The following CCDC13 variants were observed in gnomAD, a reference collection of about 807,000 sequenced individuals.
CCDC13 encodes the protein coiled-coil domain-containing protein 13.
In CCDC13, 70 loss-of-function variants were observed where a neutral mutation model predicts 87.3. That is an observed-to-expected ratio of 0.80 (90% confidence interval 0.66 to 0.98). The LOEUF (loss-of-function observed/expected upper bound fraction) is 0.98, where lower values mean the gene tolerates loss of function less well. Ranked by LOEUF, CCDC13 falls within the 50% of genes least tolerant of loss-of-function variation. The pLI is 0.00. For missense variants in CCDC13, 842 were observed against 892.0 expected (o/e 0.94, Z 0.71); for synonymous variants, 317 against 360.3 (o/e 0.88, Z 1.36).
intron 1 of CCDC13, among the ~76,000 whole-genome samples, chr3:42,762,512 C>A (rs1437197146): frequency 6.6e-6 from 1 of 152,166 alleles, no homozygotes; most frequent in African/African-American, 2.4e-5. Flanking sequence ...GTCAACTGTA[C>A]CTACGTAACC....
chr3:42,719,759 C>T (rs773344579), intron 13 of CCDC13, among the ~76,000 whole-genome samples: 12 of 152,154 alleles, frequency 7.9e-5, no homozygotes, highest in Admixed American at 5.2e-4. Context: ...CAATGGCAGC[C>T]TGGGTTCAGG....
intron 1 of CCDC13, among the ~76,000 whole-genome samples, chr3:42,761,032 T>C (rs1699821567): frequency 6.6e-6 from 1 of 152,208 alleles, no homozygotes. Flanking sequence ...TCTTGATACT[T>C]TGTCTGTTTG....
Position 42,730,717 on chromosome 3 carries a change from C to T in CCDC13, c.1596-128G>A, listed in dbSNP as rs1698807344. 4 of 1,269,084 alleles carry T rather than the reference C, an allele frequency of 3.2e-6. No homozygotes were observed. In the African/African-American group the frequency reaches 5.9e-5, roughly 19 times the overall value. 78.6% of individuals were successfully genotyped at this position (1,269,084 alleles called of 1,614,324 possible). A position where few individuals can be genotyped will look rare whatever the true frequency, so the allele number is the denominator to read the frequency against. On this transcript the variant is annotated intron_variant, in intron 12 of 15. Transcript: ENST00000310232. ...TGTCAGCCAGAGCAAAGGAAGCAAA[C>T]CCAGTCCCTCTAGGTCCTCCCCTGC...
chr3:42,730,584 G>A lies in CCDC13; in HGVS notation c.1601C>T (p.Ser534Leu), dbSNP rs763112794. The A allele has an allele frequency of 2.0e-5, 32 of 1,613,842 alleles. No homozygotes were observed. Among genetic ancestry groups the A allele is most frequent in the Middle Eastern group, 1.6e-4 (1 of 6,080 alleles). Reference sequence around the variant, plus strand: ...CCAGCCTTTTTGTTCTGGGGAGTCCGAGAACCTGGGACCAGGGTGGAGGGC... The same window carrying A: ...CCAGCCTTTTTGTTCTGGGGAGTCCAAGAACCTGGGACCAGGGTGGAGGGC... The part of the protein sequence containing the change: ...PSPHRTSPRF[S>L]DSPEQKGWQA... Residue 534 changes from serine to leucine, a missense_variant, in exon 13 of 16, where the codon TCG becomes TTG. Ser to Leu is a moderately radical substitution (Grantham distance 145). Transcript: ENST00000310232.
intron 1 of CCDC13, among the ~76,000 whole-genome samples, chr3:42,770,254 T>C (rs987332351): frequency 1.2e-4 from 18 of 152,118 alleles, no homozygotes; most frequent in Admixed American, 3.9e-4. Context: ...TAGCTCAGGG[T>C]TTGTGAATGC....
chr3:42,724,293 C>T (rs933350649), intron 13 of CCDC13, among the ~76,000 whole-genome samples: 51 of 152,232 alleles, frequency 3.4e-4, no homozygotes, highest in African/African-American at 1.2e-3. Flanking sequence ...TGCAGTTGCT[C>T]AGCCCAGATA....
At chr3:42,716,829 C>T (rs1413150404) in intron 13 of CCDC13, among the ~76,000 whole-genome samples, 1 of 152,186 alleles carries the variant, frequency 6.6e-6, no homozygotes, top group Non-Finnish European at 1.5e-5. Flanking sequence ...AATTCCACTT[C>T]TCAAATTGAA....
rs1276006532 is a variant in CCDC13, at chr3:42,728,809, T to C, written c.1718+1658A>G. Reference sequence around the variant, plus strand: ...CCCAACACCCCAGGATGACACAGAGTAGCAGGAGGAACCCAAGGACCCAAA... The same window carrying C: ...CCCAACACCCCAGGATGACACAGAGCAGCAGGAGGAACCCAAGGACCCAAA... On this transcript the variant is annotated intron_variant, in intron 13 of 15. Transcript: ENST00000310232. Among the ~76,000 whole-genome samples, 5 of 151,848 alleles carry C rather than the reference T, an allele frequency of 3.3e-5. No homozygotes were observed. In the East Asian group the frequency reaches 9.7e-4, roughly 29 times the overall value.
chr3:42,756,195 T>C (rs573484695), intron 3 of CCDC13, among the ~76,000 whole-genome samples: 5 of 152,360 alleles, frequency 3.3e-5, no homozygotes, highest in South Asian at 2.1e-4. Flanking sequence ...TTGCTCTCCG[T>C]GATTGGTGAC....
At chr3:42,724,727 C>T (rs1423886759) in intron 13 of CCDC13, among the ~76,000 whole-genome samples, 2 of 152,138 alleles carry the variant, frequency 1.3e-5, no homozygotes, top group Non-Finnish European at 2.9e-5. Flanking sequence ...ACCAAAGTGA[C>T]CCAATGCCAA....
chr3:42,716,969 A>G (rs983713372), intron 13 of CCDC13, among the ~76,000 whole-genome samples: 1 of 152,260 alleles, frequency 6.6e-6, no homozygotes, highest in Non-Finnish European at 1.5e-5. Context: ...ACATGCACAC[A>G]ATAAAATATT....
chr3:42,732,305 T>C (rs1379305446), intron 12 of CCDC13, among the ~76,000 whole-genome samples: 27 of 152,064 alleles, frequency 1.8e-4, no homozygotes, highest in Admixed American at 1.8e-3. Flanking sequence ...CTGGGGCCAC[T>C]TGGAGGCTTT....
Position 42,736,311 on chromosome 3 carries a change from C to A in CCDC13, c.1165-398G>T, listed in dbSNP as rs547175286. Among the ~76,000 whole-genome samples, 13 of 152,310 alleles carry A rather than the reference C, an allele frequency of 8.5e-5. No individual in the cohort carries two copies. The South Asian group carries it at 2.1e-3, about 24-fold the overall frequency. The stretch of plus-strand genomic sequence containing the variant: ...CTGCCAGGGATCCATTAGCACCTGA[C>A]TGAAGCCTCATCCCAAGGAAAAGCC... On this transcript the variant is annotated intron_variant, in intron 9 of 15. Transcript: ENST00000310232.
chr3:42,756,550 C>T (rs1214346302), intron 3 of CCDC13, among the ~76,000 whole-genome samples: 1 of 151,724 alleles, frequency 6.6e-6, no homozygotes, highest in African/African-American at 2.4e-5. Context: ...GGAGCAGCAA[C>T]AGCAGGTGCT....
chr3:42,753,962 T>C (rs2125906487), intron 3 of CCDC13, among the ~76,000 whole-genome samples: 1 of 152,234 alleles, frequency 6.6e-6, no homozygotes, highest in African/African-American at 2.4e-5. Flanking sequence ...CACCGGGAGC[T>C]AGTCCAGCAT....
At chr3:42,769,742 G>A (rs941876951) in intron 1 of CCDC13, among the ~76,000 whole-genome samples, 3 of 152,254 alleles carry the variant, frequency 2.0e-5, no homozygotes, top group Admixed American at 1.3e-4. Flanking sequence ...CTGGGGCTGC[G>A]CGCAGCGCTT....
intron 12 of CCDC13, 144 bp downstream of exon 12, chr3:42,732,743 T>A: frequency 1.5e-6 from 1 of 685,816 alleles, no homozygotes; most frequent in Non-Finnish European, 2.5e-6. Flanking sequence ...ACTTCCCTGA[T>A]CCTCCCTGTC....
At chr3:42,724,221 G>C (rs1038288336) in intron 13 of CCDC13, among the ~76,000 whole-genome samples, 3 of 152,168 alleles carry the variant, frequency 2.0e-5, no homozygotes, top group Non-Finnish European at 4.4e-5. Flanking sequence ...GCAAACTCTT[G>C]ATTTCTCTCC....
chr3:42,749,588 T>C (rs1376644597), intron 5 of CCDC13, among the ~76,000 whole-genome samples: 1 of 152,202 alleles, frequency 6.6e-6, no homozygotes, highest in Non-Finnish European at 1.5e-5. Flanking sequence ...GGCTGAGGGC[T>C]AGATGGTGTT....
Sources: allele counts gnomAD v4.1 joint callset (sites outside exome capture counted in the v4.1 genomes callset), GRCh38; gene constraint gnomAD v4.1.1; transcripts MANE v1.5; gene names NCBI Gene and HGNC (gene_info 2026-07-23, HGNC 2026-07-21).